PKP4: variants seen among roughly 807,000 people sequenced by gnomAD.
PKP4 encodes the protein plakophilin 4.
A neutral mutation model predicts 145.1 loss-of-function variants in PKP4; 90 were observed. The observed-to-expected ratio is 0.62, with a 90% CI of 0.52 to 0.74. The LOEUF (loss-of-function observed/expected upper bound fraction) is 0.74. Ranked by LOEUF, PKP4 falls within the 30% of genes least tolerant of loss-of-function variation. PKP4 has a pLI of 0.00. For missense variants in PKP4, 1,340 were observed against 1,482.7 expected (o/e 0.90, Z 1.58); for synonymous variants, 563 against 577.2 (o/e 0.98, Z 0.35).
rs386391605 is a variant in PKP4, at chr2:158,545,073, C to CTTTTTTT, written c.132+11777_132+11783dup. Among the ~76,000 whole-genome samples, 41 of 72,510 alleles carry CTTTTTTT rather than the reference C, an allele frequency of 5.7e-4. 5 individuals are homozygous for CTTTTTTT. The highest frequency in any genetic ancestry group is 1.8e-3 in the African/African-American group (32 of 17,636). 47.6% of individuals were successfully genotyped at this position (72,510 alleles called of 152,430 possible). Reference sequence around the variant, plus strand: ...GAGCAGGCCTAACCTAAGTCTTTCACTTTTTTTTTTTTTTTTTTTTTTTTT... The same window carrying CTTTTTTT: ...GAGCAGGCCTAACCTAAGTCTTTCACTTTTTTTTTTTTTTTTTTTTTTTTTTTTTTTT... On this transcript the variant is annotated intron_variant, in intron 2 of 21. Transcript: ENST00000389759.
At chr2:158,613,998 G>T (rs1018232434) in intron 4 of PKP4, among the ~76,000 whole-genome samples, 6 of 152,142 alleles carry the variant, frequency 3.9e-5, no homozygotes, top group Non-Finnish European at 7.4e-5. Context: ...TAAATCAGTT[G>T]TACTCAAATG....
intron 1 of PKP4, among the ~76,000 whole-genome samples, chr2:158,532,894 A>C (rs189495556): frequency 2.0e-5 from 3 of 152,196 alleles, no homozygotes; most frequent in African/African-American, 7.2e-5. Context: ...GCAATTGGTA[A>C]AACATTCTTC....
intron 1 of PKP4, among the ~76,000 whole-genome samples, chr2:158,528,758 C>T (rs1559277650): frequency 6.7e-6 from 1 of 149,980 alleles, no homozygotes; most frequent in South Asian, 2.1e-4. Context: ...TGCATACCCA[C>T]ACATGTAAGA....
At position 158,477,956 on chromosome 2, in the gene PKP4, T is replaced by C. The variant is rs529624706; in HGVS notation, c.-6+20738T>C. 1.4e-4 allele frequency among the ~76,000 whole-genome samples: 22 copies of C among 152,336 alleles called. No homozygotes were observed. The South Asian group carries it at 4.3e-3, about 30-fold the overall frequency. ...AATTGATGACTGTACTAATGTTTCA[T>C]ATATATAACTGATAAGCCAGGGACA... On this transcript the variant is annotated intron_variant, in intron 1 of 21. Coordinates refer to ENST00000389759, the MANE Select transcript of PKP4 (RefSeq NM_003628.6).
intron 3 of PKP4, among the ~76,000 whole-genome samples, chr2:158,597,365 A>G (rs1382385966): frequency 2.6e-5 from 4 of 152,228 alleles, no homozygotes; most frequent in African/African-American, 9.6e-5. Context: ...CTATTTAAGC[A>G]TCCTACTCAA....
intron 1 of PKP4, among the ~76,000 whole-genome samples, chr2:158,479,565 T>A (rs953809953): frequency 7.9e-5 from 12 of 152,352 alleles, no homozygotes; most frequent in Admixed American, 3.3e-4. Context: ...TAACATTTTT[T>A]AATTTTATTT....
intron 1 of PKP4, among the ~76,000 whole-genome samples, chr2:158,490,629 A>T (rs1175875917): frequency 6.6e-6 from 1 of 152,184 alleles, no homozygotes; most frequent in African/African-American, 2.4e-5. Context: ...TACAAATAGG[A>T]TTCCTCAGGA....
chr2:158,474,993 A>G (rs1242661135), intron 1 of PKP4, among the ~76,000 whole-genome samples: 1 of 152,204 alleles, frequency 6.6e-6, no homozygotes, highest in Non-Finnish European at 1.5e-5. Context: ...GTCCCAGGTA[A>G]GCAAGTCCAA....
chr2:158,599,715 A>T (rs773229772), intron 3 of PKP4, among the ~76,000 whole-genome samples: 15 of 152,188 alleles, frequency 9.9e-5, no homozygotes, highest in Non-Finnish European at 2.2e-4. Context: ...ATATCAACTC[A>T]TGGAGTCTCT....
chr2:158,669,611 C>T (rs2106002265), intron 16 of PKP4, 109 bp from the exon 17 acceptor site: 1 of 828,430 alleles, frequency 1.2e-6, no homozygotes, highest in Non-Finnish European at 1.7e-6. Flanking sequence ...CTATTATTGT[C>T]TCTTTGGGGG....
intron 2 of PKP4, among the ~76,000 whole-genome samples, chr2:158,549,765 G>A (rs983208371): frequency 5.9e-5 from 9 of 152,104 alleles, no homozygotes; most frequent in African/African-American, 1.7e-4. Context: ...ATTCACAAAA[G>A]TTTAAAAAGT....
chr2:158,592,412 TCC>T (rs374473445), intron 3 of PKP4, among the ~76,000 whole-genome samples: 16 of 152,210 alleles, frequency 1.1e-4, no homozygotes, highest in African/African-American at 3.4e-4. Context: ...CTGTGGACTG[TCC>T]CACATGTGAA....
chr2:158,493,636 C>T (rs1407178824), intron 1 of PKP4, among the ~76,000 whole-genome samples: 1 of 152,170 alleles, frequency 6.6e-6, no homozygotes, highest in Non-Finnish European at 1.5e-5. Flanking sequence ...GACACAGTGA[C>T]GTTAGCAAAT....
intron 2 of PKP4, among the ~76,000 whole-genome samples, chr2:158,543,095 C>T (rs902465256): frequency 3.3e-5 from 5 of 152,084 alleles, no homozygotes; most frequent in Non-Finnish European, 5.9e-5. Flanking sequence ...CATGAGTTTT[C>T]GTACCTTTTT....
At chr2:158,558,905 G>C (rs540757035) in intron 2 of PKP4, among the ~76,000 whole-genome samples, 1 of 152,214 alleles carries the variant, frequency 6.6e-6, no homozygotes, top group Admixed American at 6.5e-5. Context: ...TTCAGTAGAA[G>C]GTTTCCCTTT....
At chr2:158,550,386 CAAA>C (rs2045512452) in intron 2 of PKP4, among the ~76,000 whole-genome samples, 1 of 151,930 alleles carries the variant, frequency 6.6e-6, no homozygotes, top group Non-Finnish European at 1.5e-5. Context: ...TGAGTTTTGA[CAAA>C]TGAATGTAGT....
At chr2:158,488,405 T>C (rs779246608) in intron 1 of PKP4, among the ~76,000 whole-genome samples, 1 of 152,222 alleles carries the variant, frequency 6.6e-6, no homozygotes, top group Non-Finnish European at 1.5e-5. Context: ...TTTCCAGAAA[T>C]GGTGCCTTGC....
intron 1 of PKP4, among the ~76,000 whole-genome samples, chr2:158,486,153 T>C (rs1694137951): frequency 6.6e-6 from 1 of 152,206 alleles, no homozygotes; most frequent in African/African-American, 2.4e-5. Flanking sequence ...AGCTCAACTT[T>C]TTTAAATTCT....
chr2:158,680,807 T>C lies in PKP4; in HGVS notation c.*130T>C. On this transcript the variant is annotated 3_prime_UTR_variant, in exon 22 of 22. Coordinates refer to ENST00000389759, the MANE Select transcript of PKP4 (RefSeq NM_003628.6). ...AAGGAATGAATGAAGTGTGTTTTTTTTTTCTTTTTTGAGGAATTATCAGGG... is the reference window on the plus strand; with the variant it reads ...AAGGAATGAATGAAGTGTGTTTTTTCTTTCTTTTTTGAGGAATTATCAGGG... 2.2e-6 allele frequency: 2 copies of C among 894,806 alleles called. No homozygotes were observed. The highest frequency in any genetic ancestry group is 4.9e-5 in the East Asian group (2 of 40,602). 55.4% of individuals were successfully genotyped at this position (894,806 alleles called of 1,614,324 possible).
Sources: allele counts gnomAD v4.1 joint callset (sites outside exome capture counted in the v4.1 genomes callset), GRCh38; gene constraint gnomAD v4.1.1; transcripts MANE v1.5; gene names NCBI Gene and HGNC (gene_info 2026-07-23, HGNC 2026-07-21).